Variants in OPHN1 observed in about 807,000 individuals in gnomAD.
The protein encoded by OPHN1 is oligophrenin 1.
OPHN1 carries 11 observed loss-of-function variants against 60.7 expected under a neutral mutation model. The observed-to-expected ratio is 0.18, with a 90% CI of 0.11 to 0.30. OPHN1 has a LOEUF of 0.30. OPHN1 is among the 10% of genes least tolerant of loss of function. The pLI is 1.00. For missense variants in OPHN1, 449 were observed against 611.0 expected, an observed-to-expected ratio of 0.73 and a Z score of 2.80; for synonymous variants, 226 against 222.6, an observed-to-expected ratio of 1.02 and a Z score of -0.14.
intron 2 of OPHN1, among the ~76,000 whole-genome samples, chrX:68,317,472 G>A (rs1303067231): frequency 1.1e-5 from 1 of 92,963 alleles, no homozygotes; most frequent in Non-Finnish European, 2.1e-5. Flanking sequence ...AGAGGAGGAG[G>A]AGGAGGAAGG....
At chrX:68,278,817 C>T (rs761181657) in intron 4 of OPHN1, among the ~76,000 whole-genome samples, 5 of 111,516 alleles carry the variant, frequency 4.5e-5, no homozygotes, top group East Asian at 2.9e-4. Flanking sequence ...ACCCAGGAGG[C>T]GGAGGCTGCA....
chrX:68,366,366 T>C (rs1400495661), intron 2 of OPHN1, among the ~76,000 whole-genome samples: 1 of 110,978 alleles, frequency 9.0e-6, no homozygotes, highest in Non-Finnish European at 1.9e-5. Flanking sequence ...TCTCACTCTG[T>C]CTCCCAGGCT....
At position 68,401,444 on chromosome X, in the gene OPHN1, G is replaced by A. The variant is rs771077396; in HGVS notation, c.154+31423C>T. On this transcript the variant is annotated intron_variant, in intron 2 of 24. Transcript: ENST00000355520. ...TCAATTCCACAAATACTTTCTAAAA[G>A]CCTGATACACACAAGGCCCTAAGTT... 4.5e-5 allele frequency among the ~76,000 whole-genome samples: 5 copies of A among 112,061 alleles called. No individual in the cohort carries two copies. In the East Asian group the frequency reaches 1.1e-3, roughly 25 times the overall value.
intron 2 of OPHN1, among the ~76,000 whole-genome samples, chrX:68,338,099 G>A (rs1056388386): frequency 6.3e-5 from 7 of 110,985 alleles, no homozygotes; most frequent in Non-Finnish European, 1.3e-4. Flanking sequence ...CAAGTTATCC[G>A]CCCACCTCGG....
rs909918157 is a variant in OPHN1, at chrX:68,133,184, C to T, written c.1277-13852G>A. On this transcript the variant is annotated intron_variant, in intron 15 of 24. Coordinates refer to ENST00000355520, the MANE Select transcript of OPHN1 (RefSeq NM_002547.3). ...GAGTGAAGCTTGTGCTTCAGAAAGT[C>T]AACCTCACTCCTCAGCACTCATAGC... 31 of 772,568 alleles carry T rather than the reference C, an allele frequency of 4.0e-5. No individual in the cohort carries two copies. The African/African-American group carries it at 6.3e-4, about 16-fold the overall frequency. 63.7% of individuals were successfully genotyped at this position (772,568 alleles called of 1,213,427 possible).
intron 18 of OPHN1, among the ~76,000 whole-genome samples, chrX:68,101,172 A>G (rs1466750900): frequency 8.9e-6 from 1 of 112,419 alleles, no homozygotes; most frequent in Non-Finnish European, 1.9e-5. Flanking sequence ...GTCATCAGTT[A>G]CGAGCACATT....
chrX:68,268,970 G>A (rs2077950010), intron 5 of OPHN1, among the ~76,000 whole-genome samples: 1 of 111,417 alleles, frequency 9.0e-6, no homozygotes, highest in South Asian at 3.8e-4. Context: ...CAAATCATGA[G>A]TGAACTCCCA....
intron 15 of OPHN1, among the ~76,000 whole-genome samples, chrX:68,124,543 C>A (rs1258319719): frequency 9.0e-6 from 1 of 111,482 alleles, no homozygotes; most frequent in Non-Finnish European, 1.9e-5. Context: ...GCACTATGGA[C>A]CAAATGGATC....
At chrX:68,214,742 A>AT (rs1341979260) in intron 6 of OPHN1, among the ~76,000 whole-genome samples, 1 of 112,197 alleles carries the variant, frequency 8.9e-6, no homozygotes, top group Non-Finnish European at 1.9e-5. Context: ...CACACCTGTA[A>AT]TCCCAGCACT....
intron 6 of OPHN1, among the ~76,000 whole-genome samples, chrX:68,233,031 C>T (rs965821072): frequency 9.2e-5 from 10 of 108,807 alleles, no homozygotes; most frequent in Non-Finnish European, 1.5e-4. Context: ...CGGGTTCAAG[C>T]GATTCTTCTT....
At chrX:68,296,826 G>T (rs753192403) in intron 3 of OPHN1, among the ~76,000 whole-genome samples, 2 of 109,995 alleles carry the variant, frequency 1.8e-5, no homozygotes, top group Non-Finnish European at 3.8e-5. Flanking sequence ...AAGCAGCAAA[G>T]ATGTCATAAT....
At chrX:68,309,446 C>T (rs1251653519) in intron 2 of OPHN1, among the ~76,000 whole-genome samples, 1 of 111,616 alleles carries the variant, frequency 9.0e-6, no homozygotes, top group Admixed American at 9.6e-5. Flanking sequence ...GAAAAAGAAG[C>T]TCCCAAGTAC....
At chrX:68,368,040 T>C (rs1197443239) in intron 2 of OPHN1, among the ~76,000 whole-genome samples, 1 of 112,095 alleles carries the variant, frequency 8.9e-6, no homozygotes, top group African/African-American at 3.2e-5. Flanking sequence ...GCCAGGCACT[T>C]GTGTTTGTTT....
chrX:68,304,849 C>T (rs1448092672), intron 2 of OPHN1, among the ~76,000 whole-genome samples: 1 of 111,111 alleles, frequency 9.0e-6, no homozygotes, highest in African/African-American at 3.3e-5. Context: ...GCCCTACCCC[C>T]AGAAAATTGC....
chrX:68,278,137 C>G (rs999094614), intron 4 of OPHN1, among the ~76,000 whole-genome samples: 1 of 112,465 alleles, frequency 8.9e-6, no homozygotes, highest in African/African-American at 3.2e-5. Context: ...ACACTGCTCC[C>G]AGTCTCCTAC....
chrX:68,189,908 A>G (rs1372030474), intron 15 of OPHN1, among the ~76,000 whole-genome samples: 1 of 110,748 alleles, frequency 9.0e-6, no homozygotes, highest in African/African-American at 3.3e-5. Flanking sequence ...TAGGGAAAGA[A>G]GTCTGAGGGT....
At chrX:68,259,569 T>C (rs950518050) in intron 5 of OPHN1, among the ~76,000 whole-genome samples, 13 of 112,155 alleles carry the variant, frequency 1.2e-4, no homozygotes, top group Non-Finnish European at 1.9e-4. Flanking sequence ...TTGTATGTTA[T>C]GTACTATATG....
At chrX:68,230,037 A>G (rs895057434) in intron 6 of OPHN1, among the ~76,000 whole-genome samples, 11 of 112,391 alleles carry the variant, frequency 9.8e-5, no homozygotes, top group African/African-American at 3.2e-4. Flanking sequence ...GAATATCCAG[A>G]ATCTACAAAG....
intron 6 of OPHN1, among the ~76,000 whole-genome samples, chrX:68,226,129 A>T (rs1393753910): frequency 8.9e-6 from 1 of 111,934 alleles, no homozygotes. Flanking sequence ...AAACGGTATC[A>T]GTGATGGAAG....
Sources: allele counts gnomAD v4.1 joint callset (sites outside exome capture counted in the v4.1 genomes callset), GRCh38; gene constraint gnomAD v4.1.1; transcripts MANE v1.5; gene names NCBI Gene and HGNC (gene_info 2026-07-23, HGNC 2026-07-21).